Variants in IL12RB1 observed in about 807,000 individuals in gnomAD.
IL12RB1 encodes the protein interleukin 12 receptor subunit beta 1.
Under a neutral mutation model 94.4 loss-of-function variants are expected in IL12RB1, and 64 were observed. The ratio of observed to expected loss-of-function variants is 0.68; its 90% CI spans 0.55 to 0.83. IL12RB1 has a LOEUF of 0.83. Among genes scored for constraint, IL12RB1 ranks in the 40% least tolerant of loss-of-function variants. IL12RB1 has a pLI of 0.00. For synonymous variants in IL12RB1, 362 were observed against 355.5 expected (o/e 1.02, Z -0.21); for missense variants, 814 against 855.6 (o/e 0.95, Z 0.61).
In IL12RB1 at chr19:18,075,801, C is replaced by A. The variant is rs756392238; in HGVS notation, c.648G>T (p.Gly216=). The change falls in exon 7 of 17, where the codon GGG becomes GGT. Residue 216 remains glycine (G), a synonymous_variant. Transcript: ENST00000593993. ...ACTTGCTCCAGGAACTTCCTTGGCT[C>A]CCCAGCTGCCGTCGTCGGAGCTGGA... ...QEFQLRRRQL[G]SQGSSWSKWS... is the part of the protein sequence containing the mutation. 8.7e-6 allele frequency: 14 copies of A among 1,612,674 alleles called. No individual in the cohort carries two copies. In the African/African-American group the frequency reaches 1.7e-4, roughly 20 times the overall value.
chr19:18,068,980 C>T (rs2034809790), intron 10 of IL12RB1, among the ~76,000 whole-genome samples: 1 of 152,036 alleles, frequency 6.6e-6, no homozygotes, highest in South Asian at 2.1e-4. Context: ...GAACTCCTGA[C>T]CTCTGTTGAT....
chr19:18,079,760 G>A (rs1262434088), intron 4 of IL12RB1, among the ~76,000 whole-genome samples: 5 of 152,040 alleles, frequency 3.3e-5, no homozygotes, highest in Non-Finnish European at 5.9e-5. Flanking sequence ...AGCCGGGCGC[G>A]GTGGCGGGCG....
intron 13 of IL12RB1, among the ~76,000 whole-genome samples, chr19:18,062,701 G>A (rs925622209): frequency 6.6e-6 from 1 of 151,282 alleles, no homozygotes; most frequent in African/African-American, 2.4e-5. Flanking sequence ...GAACTCGGGA[G>A]GCGGAGGTTG....
chr19:18,088,820 A>G (rs1370062890), upstream of IL12RB1, among the ~76,000 whole-genome samples: 3 of 152,172 alleles, frequency 2.0e-5, no homozygotes, highest in African/African-American at 7.2e-5. Flanking sequence ...ACCTGAGGTC[A>G]GGAGTTTGAG....
chr19:18,071,781 C>G (rs1362988463), intron 9 of IL12RB1, among the ~76,000 whole-genome samples: 1 of 152,080 alleles, frequency 6.6e-6, no homozygotes, highest in African/African-American at 2.4e-5. Context: ...AAGCGATTCT[C>G]CTGCCTCAGC....
At chr19:18,067,456 C>T (rs930171075) in intron 11 of IL12RB1, among the ~76,000 whole-genome samples, 4 of 151,882 alleles carry the variant, frequency 2.6e-5, no homozygotes, top group Non-Finnish European at 5.9e-5. Context: ...TCTGGTTCTG[C>T]CACTCAGTCA....
At position 18,073,532 on chromosome 19, in the gene IL12RB1, C is replaced by T. The variant is rs747607053; in HGVS notation, c.768G>A (p.Leu256=). The T allele has an allele frequency of 1.6e-5, 26 of 1,609,854 alleles. No individual in the cohort carries two copies. In the Middle Eastern group the frequency reaches 4.9e-4, roughly 31 times the overall value. The change falls in exon 8 of 17, where the codon CTG becomes CTA. Residue 256 remains leucine (L), a synonymous_variant. Transcript: ENST00000593993. ...GCCCCGTTACCTGCTCTTTCAGGGT[C>T]AGCCGCCTCCTCCCATCCTGGCCCA... ...EQLGQDGRRR[L]TLKEQPTQLE...
intron 4 of IL12RB1, among the ~76,000 whole-genome samples, chr19:18,077,916 C>T (rs1231983735): frequency 6.6e-6 from 1 of 152,118 alleles, no homozygotes; most frequent in African/African-American, 2.4e-5. Context: ...AGTTCGAGAC[C>T]AGCCTGGGCA....
intron 1 of IL12RB1, among the ~76,000 whole-genome samples, chr19:18,098,098 C>G (rs2037153963): frequency 6.6e-6 from 1 of 152,130 alleles, no homozygotes; most frequent in Admixed American, 6.5e-5. Flanking sequence ...CTCTGCCCCT[C>G]CCCACCAGCT....
At chr19:18,085,615 T>C (rs1462629385) in intron 1 of IL12RB1, among the ~76,000 whole-genome samples, 8 of 151,826 alleles carry the variant, frequency 5.3e-5, no homozygotes, top group Admixed American at 5.3e-4. Context: ...GTTTATTTAT[T>C]ATTATTATTA....
At chr19:18,063,541 T>C (rs2146116457) in intron 13 of IL12RB1, among the ~76,000 whole-genome samples, 1 of 152,194 alleles carries the variant, frequency 6.6e-6, no homozygotes, top group South Asian at 2.1e-4. Flanking sequence ...GAAGGGACAG[T>C]TGTAAACAAG....
chr19:18,087,090 CT>C (rs1231984278), upstream of IL12RB1: 20 of 615,588 alleles, frequency 3.2e-5, no homozygotes, highest in Non-Finnish European at 5.0e-5. Flanking sequence ...AGTCAGGGTT[CT>C]AGGGGGTTCT....
At chr19:18,060,817 G>A (rs1382361949) in intron 15 of IL12RB1, among the ~76,000 whole-genome samples, 4 of 152,072 alleles carry the variant, frequency 2.6e-5, no homozygotes, top group East Asian at 3.9e-4. Context: ...GCCTGCCTGC[G>A]GAAGAACCCT....
chr19:18,061,052 G>T, intron 15 of IL12RB1, 70 bp downstream of exon 15: 2 of 810,492 alleles, frequency 2.5e-6, no homozygotes, highest in Non-Finnish European at 4.3e-6. Flanking sequence ...AATAAAATGA[G>T]CTAATGCGTA....
chr19:18,097,481 A>G (rs2037045649), intron 1 of IL12RB1, among the ~76,000 whole-genome samples: 1 of 152,180 alleles, frequency 6.6e-6, no homozygotes, highest in African/African-American at 2.4e-5. Context: ...TACAGGCGTG[A>G]GCCACTGCGC....
At chr19:18,092,989 T>C (rs1395359352) in intron 1 of IL12RB1, among the ~76,000 whole-genome samples, 3 of 151,988 alleles carry the variant, frequency 2.0e-5, no homozygotes, top group Non-Finnish European at 4.4e-5. Flanking sequence ...TCAAAGAGAA[T>C]TTGAAGTGGA....
upstream of IL12RB1, among the ~76,000 whole-genome samples, chr19:18,087,413 C>A (rs1402426126): frequency 1.3e-5 from 2 of 151,898 alleles, no homozygotes; most frequent in African/African-American, 4.8e-5. Context: ...TTTCACCATG[C>A]TGGCCAGGCT....
At chr19:18,065,600 C>A (rs1404748220) in intron 12 of IL12RB1, among the ~76,000 whole-genome samples, 1 of 152,106 alleles carries the variant, frequency 6.6e-6, no homozygotes, top group East Asian at 1.9e-4. Context: ...GGGTGATTCA[C>A]CTGAGGTCAA....
At chr19:18,089,811 C>T (rs1028310967), upstream of IL12RB1, among the ~76,000 whole-genome samples, 1 of 152,170 alleles carries the variant, frequency 6.6e-6, no homozygotes, top group Non-Finnish European at 1.5e-5. Context: ...GGGAGGAGGT[C>T]CCTCCTTCAA....
Sources: gnomAD v4.1 joint callset for allele counts (sites outside exome capture counted in the v4.1 genomes callset) on GRCh38, gnomAD v4.1.1 for gene constraint, MANE v1.5 for transcripts, NCBI Gene and HGNC (gene_info 2026-07-23, HGNC 2026-07-21) for gene names.